The following SLCO1B1 variants were observed in gnomAD, a reference collection of about 807,000 sequenced individuals.
SLCO1B1 encodes solute carrier organic anion transporter family member 1B1.
A neutral mutation model predicts 70.1 loss-of-function variants in SLCO1B1; 81 were observed. The ratio of observed to expected loss-of-function variants is 1.16; its 90% CI spans 0.97 to 1.39. The LOEUF (loss-of-function observed/expected upper bound fraction) is 1.39. SLCO1B1 is among the 40% of genes most tolerant of loss of function. SLCO1B1 has a pLI of 0.00. For missense variants in SLCO1B1, 895 were observed against 799.6 expected (o/e 1.12, Z -1.44); for synonymous variants, 283 against 271.5 (o/e 1.04, Z -0.42).
At chr12:21,179,074 G>A (rs1317061934) in intron 7 of SLCO1B1, 54 bp downstream of exon 7, 6 of 1,108,236 alleles carry the variant, frequency 5.4e-6, no homozygotes, top group South Asian at 3.7e-5. Flanking sequence ...GCACACATGC[G>A]AAAAACATTT....
At chr12:21,183,903 A>G (rs959744837) in intron 7 of SLCO1B1, among the ~76,000 whole-genome samples, 1 of 152,206 alleles carries the variant, frequency 6.6e-6, no homozygotes, top group African/African-American at 2.4e-5. Flanking sequence ...CATTAAAAAA[A>G]CACTACTTCT....
At position 21,135,565 on chromosome 12, in the gene SLCO1B1, A is replaced by T. The variant is rs1591793769; in HGVS notation, c.-62+4329A>T. Among the ~76,000 whole-genome samples the T allele has an allele frequency of 2.6e-5, 4 of 152,184 alleles. No homozygotes were observed. In the East Asian group the frequency reaches 7.7e-4, roughly 29 times the overall value. ...TAGGATAGTTAGCGCTTCTTGTTGA[A>T]TTGATCCCTTTACCATTAGGTAATG... On this transcript the variant is annotated intron_variant, in intron 1 of 14. Transcript: ENST00000256958.
intron 2 of SLCO1B1, among the ~76,000 whole-genome samples, chr12:21,167,176 G>GT (rs1387657940): frequency 1.8e-4 from 27 of 152,036 alleles, no homozygotes; most frequent in Non-Finnish European, 3.4e-4. Flanking sequence ...CATCTTTATA[G>GT]TTTTTTATAA....
rs934785520 is a variant in SLCO1B1 at position 21,239,759 on chromosome 12, G to A, written c.*570G>A. Among the ~76,000 whole-genome samples the A allele has an allele frequency of 3.3e-5, 5 of 152,136 alleles. No individual in the cohort carries two copies. Among genetic ancestry groups the A allele is most frequent in the African/African-American group, 1.2e-4 (5 of 41,424 alleles). The stretch of plus-strand genomic sequence containing the variant: ...TTAAGTAAATTTAGAATACATTTAA[G>A]TATTGTGGAAGAAATAAAGACATTC... On this transcript the variant is annotated 3_prime_UTR_variant, in exon 15 of 15. Transcript: ENST00000256958.
At chr12:21,145,157 C>G (rs967542841) in intron 2 of SLCO1B1, among the ~76,000 whole-genome samples, 1 of 152,132 alleles carries the variant, frequency 6.6e-6, no homozygotes, top group Non-Finnish European at 1.5e-5. Flanking sequence ...GTTTTGTTGT[C>G]TTCATGACTC....
At chr12:21,161,723 A>G (rs572650951) in intron 2 of SLCO1B1, among the ~76,000 whole-genome samples, 1 of 151,330 alleles carries the variant, frequency 6.6e-6, no homozygotes, top group Non-Finnish European at 1.5e-5. Context: ...TGTCAAATTA[A>G]AAAAAAAAGA....
At chr12:21,136,445 C>A in intron 1 of SLCO1B1, among the ~76,000 whole-genome samples, 1 of 152,270 alleles carries the variant, frequency 6.6e-6, no homozygotes, top group Non-Finnish European at 1.5e-5. Flanking sequence ...TGGTTCCCTT[C>A]TCCCCATCAC....
At chr12:21,208,600 T>A (rs1245301929) in intron 11 of SLCO1B1, among the ~76,000 whole-genome samples, 1 of 152,156 alleles carries the variant, frequency 6.6e-6, no homozygotes, top group Non-Finnish European at 1.5e-5. Context: ...AGGATTGCTT[T>A]GACTATTCAG....
intron 8 of SLCO1B1, 63 bp from the exon 9 acceptor site, chr12:21,200,445 T>G (rs1941143261): frequency 1.2e-5 from 13 of 1,118,480 alleles, no homozygotes; most frequent in Non-Finnish European, 1.6e-5. Context: ...GTTCACAAAT[T>G]TTAGATATAA....
rs562578193 is a variant in SLCO1B1 at position 21,139,068 on chromosome 12, G to C, written c.-61-2446G>C. 2.0e-5 allele frequency among the ~76,000 whole-genome samples: 3 copies of C among 152,170 alleles called. 1 individual carries two copies. The South Asian group carries it at 6.2e-4, about 32-fold the overall frequency. On this transcript the variant is annotated intron_variant, in intron 1 of 14. Coordinates refer to ENST00000256958, the MANE Select transcript of SLCO1B1 (RefSeq NM_006446.5). ...AATTGAAATAAACCAGGTTTGGAGTGGTGGGACAATAGCCTTCAAGACATC... is the reference window on the plus strand; with the variant it reads ...AATTGAAATAAACCAGGTTTGGAGTCGTGGGACAATAGCCTTCAAGACATC...
chr12:21,227,111 T>A (rs1012359890), intron 14 of SLCO1B1, among the ~76,000 whole-genome samples: 3 of 152,002 alleles, frequency 2.0e-5, no homozygotes, highest in Admixed American at 6.6e-5. Flanking sequence ...TACTCCCAAA[T>A]AGATAAAATG....
Position 21,172,750 on chromosome 12 carries a change from C to T in SLCO1B1, c.185C>T (p.Ser62Phe). 1.2e-6 allele frequency: 2 copies of T among 1,613,336 alleles called. No individual in the cohort carries two copies. Among genetic ancestry groups the T allele is most frequent in the Non-Finnish European group, 8.5e-7 (1 of 1,179,624 alleles). The change falls in exon 3 of 15, where the codon TCC (serine) becomes TTC (phenylalanine). Residue 62 changes from serine (S) to phenylalanine (F), a missense_variant. Transcript: ENST00000256958. ...CATATAGAACGGAGATTTGAGATATCCTCTTCTCTTGTTGGTTTTATTGAC... is the reference window on the plus strand; with the variant it reads ...CATATAGAACGGAGATTTGAGATATTCTCTTCTCTTGTTGGTTTTATTGAC... ...IIHIERRFEI[S>F]SSLVGFIDGS...
intron 11 of SLCO1B1, among the ~76,000 whole-genome samples, chr12:21,215,646 G>T (rs1941348886): frequency 6.6e-6 from 1 of 152,068 alleles, no homozygotes; most frequent in African/African-American, 2.4e-5. Flanking sequence ...AGGGATATTG[G>T]CCTGTTGGTT....
chr12:21,174,549 T>G, intron 3 of SLCO1B1, 28 bp from the exon 4 acceptor site: 1 of 1,610,634 alleles, frequency 6.2e-7, no homozygotes, highest in East Asian at 2.2e-5. Flanking sequence ...AACTAAGCTG[T>G]ATCAACATAA....
intron 8 of SLCO1B1, 34 bp from the exon 9 acceptor site, chr12:21,200,474 T>C (rs1269350320): frequency 7.1e-7 from 1 of 1,405,898 alleles, no homozygotes; most frequent in South Asian, 1.3e-5. Flanking sequence ...TTAAGTTGCA[T>C]TCAAATATTT....
At chr12:21,205,841 T>G in intron 10 of SLCO1B1, 27 bp from the exon 11 acceptor site, 1 of 1,512,564 alleles carries the variant, frequency 6.6e-7, no homozygotes, top group Non-Finnish European at 9.2e-7. Flanking sequence ...TCTCTCTTTT[T>G]GATATATGTC....
At chr12:21,163,993 A>T (rs542895199) in intron 2 of SLCO1B1, among the ~76,000 whole-genome samples, 2 of 152,214 alleles carry the variant, frequency 1.3e-5, no homozygotes, top group African/African-American at 4.8e-5. Context: ...GATACTTGGG[A>T]GGAATTATGC....
chr12:21,222,540 C>A (rs953417732), intron 13 of SLCO1B1, among the ~76,000 whole-genome samples, 176 bp downstream of exon 13: 3 of 149,886 alleles, frequency 2.0e-5, no homozygotes, highest in Non-Finnish European at 3.0e-5. Flanking sequence ...CTTTCTATTT[C>A]TGTGATAAAT....
chr12:21,190,197 T>C (rs767643264), intron 7 of SLCO1B1, among the ~76,000 whole-genome samples: 2 of 152,224 alleles, frequency 1.3e-5, no homozygotes, highest in Non-Finnish European at 2.9e-5. Context: ...TGTCTACCCA[T>C]GTTGTCCAGA....
Sources: gnomAD v4.1 joint callset for allele counts (sites outside exome capture counted in the v4.1 genomes callset) on GRCh38, gnomAD v4.1.1 for gene constraint, MANE v1.5 for transcripts, NCBI Gene and HGNC (gene_info 2026-07-23, HGNC 2026-07-21) for gene names.